The following TIPARP variants were observed in gnomAD, a reference collection of about 807,000 sequenced individuals.
TIPARP encodes the protein TCDD inducible poly(ADP-ribose) polymerase, also known as protein mono-ADP-ribosyltransferase TIPARP.
Under a neutral mutation model 56.5 loss-of-function variants are expected in TIPARP, and 12 were observed. The observed-to-expected ratio is 0.21, with a 90% CI of 0.14 to 0.34. The LOEUF (loss-of-function observed/expected upper bound fraction) is 0.34. TIPARP is among the 10% of genes least tolerant of loss of function. TIPARP has a pLI of 1.00. For synonymous variants in TIPARP, 296 were observed against 265.7 expected, an observed-to-expected ratio of 1.11 and a Z score of -1.11; for missense variants, 604 against 781.6, an observed-to-expected ratio of 0.77 and a Z score of 2.71.
At chr3:156,679,524 C>T (rs762843867) in intron 2 of TIPARP, among the ~76,000 whole-genome samples, 9 of 152,114 alleles carry the variant, frequency 5.9e-5, no homozygotes, top group Non-Finnish European at 8.8e-5. Flanking sequence ...ATAGAAGGAG[C>T]TAAAGTGTGT....
intron 4 of TIPARP, 137 bp from the exon 5 acceptor site, chr3:156,703,287 A>G: frequency 2.2e-6 from 2 of 906,308 alleles, no homozygotes; most frequent in Non-Finnish European, 1.6e-6. Context: ...TTAAATAGAT[A>G]GCATTTTTTA....
intron 2 of TIPARP, among the ~76,000 whole-genome samples, chr3:156,686,474 T>C (rs925505970): frequency 6.6e-6 from 1 of 152,352 alleles, no homozygotes; most frequent in East Asian, 1.9e-4. Context: ...GAATTCTCTA[T>C]ATATAGGTTG....
chr3:156,695,842 T>TTTTGTTC, intron 3 of TIPARP, 23 bp from the exon 4 acceptor site: 1 of 1,396,936 alleles, frequency 7.2e-7, no homozygotes, highest in Non-Finnish European at 9.3e-7. Context: ...TTTTTTTTTT[T>TTTTGTTC]TGTTCTGTTT....
chr3:156,676,197 CT>C (rs933559777), intron 1 of TIPARP, among the ~76,000 whole-genome samples: 6 of 152,224 alleles, frequency 3.9e-5, no homozygotes, highest in Non-Finnish European at 8.8e-5. Flanking sequence ...GGCTTGGCTC[CT>C]TTCCAGTTGA....
intron 4 of TIPARP, among the ~76,000 whole-genome samples, chr3:156,700,952 C>A (rs888987786): frequency 2.0e-5 from 3 of 152,214 alleles, no homozygotes; most frequent in African/African-American, 7.2e-5. Flanking sequence ...CTTTGGAATA[C>A]CCATGCAGTG....
chr3:156,680,507 T>A (rs1722267409), intron 2 of TIPARP, among the ~76,000 whole-genome samples: 1 of 152,156 alleles, frequency 6.6e-6, no homozygotes, highest in Admixed American at 6.5e-5. Flanking sequence ...GGCTCCCACT[T>A]CACCTTCATG....
intron 4 of TIPARP, among the ~76,000 whole-genome samples, chr3:156,698,823 C>T (rs143580022): frequency 6.6e-6 from 1 of 152,264 alleles, no homozygotes; most frequent in Non-Finnish European, 1.5e-5. Flanking sequence ...TTTAATGGAT[C>T]TGGGCAAAGT....
chr3:156,676,603 A>G (rs576226023), intron 1 of TIPARP: 83 of 152,288 alleles, frequency 5.5e-4, no homozygotes, highest in African/African-American at 1.9e-3. Flanking sequence ...AAGTCATGGG[A>G]CCTTGCGTCA....
chr3:156,706,111 C>T lies in TIPARP; in HGVS notation c.*980C>T, dbSNP rs1356122065. On this transcript the variant is annotated 3_prime_UTR_variant, in exon 6 of 6. Coordinates refer to ENST00000295924, the MANE Select transcript of TIPARP (RefSeq NM_015508.5). ...TTGGTAGATGGCAGTCCCACTCCTA[C>T]ACCTGCTTTGTCAGATACAGCTGGG... 1 of 152,664 alleles carries T rather than the reference C, an allele frequency of 6.6e-6. No homozygotes were observed. Among genetic ancestry groups the T allele is most frequent in the Admixed American group, 6.5e-5 (1 of 15,288 alleles). The allele number at this position is 152,664 out of a possible 1,614,324, so 9.5% of individuals were successfully genotyped here.
intron 4 of TIPARP, among the ~76,000 whole-genome samples, chr3:156,701,209 C>T (rs1370709642): frequency 6.6e-6 from 1 of 152,148 alleles, no homozygotes; most frequent in Non-Finnish European, 1.5e-5. Flanking sequence ...CTCGGCTCAT[C>T]TTCAAGCATA....
intron 2 of TIPARP, among the ~76,000 whole-genome samples, chr3:156,679,312 G>A (rs1229038189): frequency 1.3e-5 from 2 of 152,138 alleles, no homozygotes; most frequent in Non-Finnish European, 2.9e-5. Flanking sequence ...TACACAAGAT[G>A]TGTGTATACA....
intron 1 of TIPARP, among the ~76,000 whole-genome samples, chr3:156,676,251 C>G (rs1722123743): frequency 2.0e-5 from 3 of 152,202 alleles, no homozygotes; most frequent in Admixed American, 2.0e-4. Flanking sequence ...TGAAGCTTTC[C>G]CTAACAATGC....
chr3:156,692,826 G>A (rs930556428), intron 2 of TIPARP, among the ~76,000 whole-genome samples: 2 of 152,044 alleles, frequency 1.3e-5, no homozygotes, highest in African/African-American at 4.8e-5. Flanking sequence ...TTTGGAAAAT[G>A]TGCTAGCTAG....
rs747722067 is a variant in TIPARP, at chr3:156,678,052, G to C, written c.355G>C (p.Asp119His). The stretch of plus-strand genomic sequence containing the variant: ...GATTCCTGATAGGACAAATGTTGGG[G>C]ACCAGATACCGGAAGCCCATCCTTC... ...VLIPDRTNVG[D>H]QIPEAHPSTE... The change falls in exon 2 of 6, where the codon GAC (aspartate) becomes CAC (histidine). Residue 119 changes from aspartate (D) to histidine (H), a missense_variant. Asp to His is a moderately conservative substitution (Grantham distance 81). This residue lies in a region of TIPARP where 261 missense variants were observed against 279.2 expected (regional missense o/e 0.93). Coordinates refer to ENST00000295924, the MANE Select transcript of TIPARP (RefSeq NM_015508.5). 5 of 1,614,050 alleles carry C rather than the reference G, an allele frequency of 3.1e-6. No homozygotes were observed. The African/African-American group carries it at 4.0e-5, about 13-fold the overall frequency.
intron 4 of TIPARP, among the ~76,000 whole-genome samples, chr3:156,697,421 T>TC (rs2108496040): frequency 4.0e-5 from 2 of 50,086 alleles, no homozygotes; most frequent in East Asian, 1.0e-3. Flanking sequence ...GAATATGCCC[T>TC]CTTTTTTTTT....
At chr3:156,701,304 G>A (rs1020255288) in intron 4 of TIPARP, among the ~76,000 whole-genome samples, 4 of 152,226 alleles carry the variant, frequency 2.6e-5, no homozygotes, top group Non-Finnish European at 5.9e-5. Context: ...GTCCATAGTA[G>A]TGATATCAGA....
intron 2 of TIPARP, among the ~76,000 whole-genome samples, chr3:156,688,482 G>GCC (rs150341932): frequency 0.053 from 7,414 of 139,980 alleles, 286 homozygotes; most frequent in African/African-American, 0.069. Flanking sequence ...TTTTATTGCC[G>GCC]CCCCCCCCCG....
chr3:156,685,300 GT>G (rs894809817), intron 2 of TIPARP, among the ~76,000 whole-genome samples: 2 of 152,162 alleles, frequency 1.3e-5, no homozygotes, highest in African/African-American at 2.4e-5. Context: ...GCTCTATGCT[GT>G]TTACTTACTG....
chr3:156,695,842 T>G, intron 3 of TIPARP, 23 bp from the exon 4 acceptor site: 1 of 1,396,938 alleles, frequency 7.2e-7, no homozygotes, highest in Non-Finnish European at 9.3e-7. Context: ...TTTTTTTTTT[T>G]TGTTCTGTTT....
Sources: allele counts gnomAD v4.1 joint callset (sites outside exome capture counted in the v4.1 genomes callset), GRCh38; gene constraint gnomAD v4.1.1; regional missense constraint gnomAD v4.1.1; transcripts MANE v1.5; gene names NCBI Gene and HGNC (gene_info 2026-07-23, HGNC 2026-07-21).